PODXL: variants seen among roughly 807,000 people sequenced by gnomAD.
The protein encoded by PODXL is podocalyxin.
Under a neutral mutation model 48.9 loss-of-function variants are expected in PODXL, and 20 were observed. That is an observed-to-expected ratio of 0.41 (90% CI 0.29 to 0.59). PODXL has a LOEUF of 0.59. PODXL is among the 20% of genes least tolerant of loss of function. PODXL has a pLI of 0.31. For synonymous variants in PODXL, 295 were observed against 287.4 expected (o/e 1.03, Z -0.27); for missense variants, 606 against 675.1 (o/e 0.90, Z 1.13).
intron 1 of PODXL, among the ~76,000 whole-genome samples, chr7:131,529,805 A>T (rs568854620): frequency 4.6e-5 from 7 of 152,130 alleles, no homozygotes; most frequent in African/African-American, 1.4e-4. Flanking sequence ...GGTGGGCCAG[A>T]AGATTCCTAA....
intron 1 of PODXL, among the ~76,000 whole-genome samples, chr7:131,538,635 G>A (rs144254097): frequency 3.6e-4 from 55 of 152,180 alleles, no homozygotes; most frequent in Non-Finnish European, 7.6e-4. Context: ...TTCAATCGAC[G>A]GTGCCACCCA....
intron 1 of PODXL, among the ~76,000 whole-genome samples, chr7:131,550,423 G>A (rs964346510): frequency 1.3e-5 from 2 of 152,166 alleles, no homozygotes; most frequent in African/African-American, 4.8e-5. Flanking sequence ...GGGAGGCTGA[G>A]GTGGGCAGAT....
rs1797747655 is a variant in PODXL at position 131,503,544 on chromosome 7, C to T, written c.*767G>A. On this transcript the variant is annotated 3_prime_UTR_variant, in exon 9 of 9. Transcript: ENST00000378555. ...CTGCACGCAGGTCCCCTAAGCAGAC[C>T]TGGTTCACGCACGGAGACCTGTGTG... is the stretch of plus-strand genomic sequence containing the variant. The T allele has an allele frequency of 6.6e-6, 1 of 152,288 alleles. No homozygotes were observed. The allele number at this position is 152,288 out of a possible 1,614,324, so 9.4% of individuals were successfully genotyped here.
chr7:131,532,225 G>A (rs1337596937), intron 1 of PODXL, among the ~76,000 whole-genome samples: 1 of 150,848 alleles, frequency 6.6e-6, no homozygotes, highest in African/African-American at 2.4e-5. Flanking sequence ...CACGAGGTCA[G>A]GAGATCGAGA....
intron 1 of PODXL, among the ~76,000 whole-genome samples, chr7:131,521,768 C>T (rs537430781): frequency 6.0e-4 from 91 of 152,262 alleles, no homozygotes; most frequent in African/African-American, 2.2e-3. Flanking sequence ...GCCAGGTGCT[C>T]ATAGGAAGCC....
chr7:131,550,847 G>A (rs1351281369), intron 1 of PODXL, among the ~76,000 whole-genome samples: 1 of 152,048 alleles, frequency 6.6e-6, no homozygotes, highest in Non-Finnish European at 1.5e-5. Context: ...TATTTATTGA[G>A]AGTCACTGGG....
At chr7:131,533,833 A>C (rs1318978609) in intron 1 of PODXL, among the ~76,000 whole-genome samples, 2 of 152,178 alleles carry the variant, frequency 1.3e-5, no homozygotes, top group Non-Finnish European at 2.9e-5. Context: ...TCCAGTCCAC[A>C]CACAAGCTGT....
At chr7:131,540,095 T>C (rs1002603250) in intron 1 of PODXL, among the ~76,000 whole-genome samples, 3 of 152,140 alleles carry the variant, frequency 2.0e-5, no homozygotes, top group Admixed American at 2.0e-4. Context: ...CAGATTGGAG[T>C]GCGGTGGCGC....
At chr7:131,543,988 A>G (rs1464403119) in intron 1 of PODXL, among the ~76,000 whole-genome samples, 1 of 152,040 alleles carries the variant, frequency 6.6e-6, no homozygotes, top group Non-Finnish European at 1.5e-5. Flanking sequence ...GGCCGAAATC[A>G]CCCAGCTTTA....
At chr7:131,530,660 C>T (rs1798263031) in intron 1 of PODXL, among the ~76,000 whole-genome samples, 1 of 151,144 alleles carries the variant, frequency 6.6e-6, no homozygotes, top group South Asian at 2.1e-4. Context: ...AGGAGGATCA[C>T]TTGAGCCCAG....
At chr7:131,512,366 A>G (rs1033640756) in intron 1 of PODXL, among the ~76,000 whole-genome samples, 1 of 152,086 alleles carries the variant, frequency 6.6e-6, no homozygotes, top group Non-Finnish European at 1.5e-5. Flanking sequence ...GGAAGTGAGG[A>G]AGGAAATGAT....
intron 1 of PODXL, among the ~76,000 whole-genome samples, chr7:131,525,675 G>GT (rs887683712): frequency 4.0e-5 from 6 of 150,944 alleles, no homozygotes; most frequent in African/African-American, 1.2e-4. Context: ...CTCTGGGAAA[G>GT]TTTTTTTTTA....
chr7:131,504,367 G>T lies in PODXL; in HGVS notation c.1621C>A (p.Pro541Thr). The change falls in exon 9 of 9, where the codon CCT becomes ACT. Residue 541 changes from proline to threonine, a missense_variant. Pro to Thr is a conservative substitution (Grantham distance 38). Coordinates refer to ENST00000378555, the MANE Select transcript of PODXL (RefSeq NM_001018111.3). Reference sequence around the variant, plus strand: ...TCGTCCTTGGTCAGGTTGTCCAGAGGGACGATCCAGCTGTCCCCCAGCTCC... The same window carrying T: ...TCGTCCTTGGTCAGGTTGTCCAGAGTGACGATCCAGCTGTCCCCCAGCTCC... ...NGELGDSWIV[P>T]LDNLTKDDLD... is the part of the protein sequence containing the mutation. The T allele has an allele frequency of 6.2e-7, 1 of 1,614,136 alleles. No homozygotes were observed.
rs144035559 is a variant in PODXL, at chr7:131,517,444, T to C, written c.101-6011A>G. On this transcript the variant is annotated intron_variant, in intron 1 of 8. Coordinates refer to ENST00000378555, the MANE Select transcript of PODXL (RefSeq NM_001018111.3). ...TCACAACGATAGAGAACGCAGCCAG[T>C]CAACCAGGTCCCAGAACTCGATGTT... Among the ~76,000 whole-genome samples the C allele has an allele frequency of 7.8e-3, 1,183 of 152,288 alleles. 9 individuals are homozygous for C. Among genetic ancestry groups the C allele is most frequent in the Non-Finnish European group, 0.013 (859 of 68,012 alleles).
intron 1 of PODXL, among the ~76,000 whole-genome samples, chr7:131,546,863 G>A (rs373061139): frequency 6.6e-6 from 1 of 151,980 alleles, no homozygotes; most frequent in Non-Finnish European, 1.5e-5. Context: ...TGGCTTCTTA[G>A]CTAAGCCCAC....
chr7:131,506,717 C>A lies in PODXL; in HGVS notation c.1111G>T (p.Ala371Ser). 6.2e-7 allele frequency: 1 copy of A among 1,614,104 alleles called. No homozygotes were observed. Among genetic ancestry groups the A allele is most frequent in the African/African-American group, 1.3e-5 (1 of 75,034 alleles). ...LTGNTLCAGGASDEKLISLIC... is the reference protein window; with the variant it reads ...LTGNTLCAGGSSDEKLISLIC... Reference sequence around the variant, plus strand: ...AGTGAGATCAATTTCTCATCCGAAGCGCCCCCTGCCTATGGTGGGGAGAGC... The same window carrying A: ...AGTGAGATCAATTTCTCATCCGAAGAGCCCCCTGCCTATGGTGGGGAGAGC... The change falls in exon 6 of 9, where the codon GCT becomes TCT. Residue 371 changes from alanine (A) to serine (S), a missense_variant. Ala to Ser is a moderately conservative substitution (Grantham distance 99). Transcript: ENST00000378555.
At chr7:131,524,379 C>CATACACAGAGAGAGAGAGAGAGAG (rs746255906) in intron 1 of PODXL, among the ~76,000 whole-genome samples, 1 of 104,052 alleles carries the variant, frequency 9.6e-6, no homozygotes, top group Non-Finnish European at 2.3e-5. Context: ...CACACACACA[C>CATACACAGAGAGAGAGAGAGAGAG]AGAGAGAGAG....
chr7:131,538,661 C>A (rs1798423373), intron 1 of PODXL, among the ~76,000 whole-genome samples: 1 of 152,144 alleles, frequency 6.6e-6, no homozygotes. Context: ...CCTGCGTCGC[C>A]ACTCCCTGGG....
At chr7:131,504,553 T>C in intron 8 of PODXL, 45 bp from the exon 9 acceptor site, 1 of 1,544,446 alleles carries the variant, frequency 6.5e-7, no homozygotes, top group Non-Finnish European at 8.9e-7. Flanking sequence ...TTCAGAGGGC[T>C]CTGAGCTTAA....
Sources: allele counts gnomAD v4.1 joint callset (sites outside exome capture counted in the v4.1 genomes callset), GRCh38; gene constraint gnomAD v4.1.1; transcripts MANE v1.5; gene names NCBI Gene and HGNC (gene_info 2026-07-23, HGNC 2026-07-21).